METTL15: variants seen among roughly 807,000 people sequenced by gnomAD.
METTL15 encodes methyltransferase 15, mitochondrial 12S rRNA N4-cytidine.
A neutral mutation model predicts 38.3 loss-of-function variants in METTL15; 34 were observed. That is an observed-to-expected ratio of 0.89 (90% CI 0.68 to 1.18). The LOEUF (loss-of-function observed/expected upper bound fraction) is 1.18. METTL15 is among the 50% of genes most tolerant of loss of function. The pLI, the probability that METTL15 is intolerant of heterozygous loss-of-function variation, is 0.00. For synonymous variants in METTL15, 162 were observed against 170.9 expected (o/e 0.95, Z 0.41); for missense variants, 438 against 498.4 (o/e 0.88, Z 1.15).
intron 3 of METTL15, among the ~76,000 whole-genome samples, chr11:28,137,921 C>T (rs749309347): frequency 7.2e-5 from 11 of 151,978 alleles, no homozygotes; most frequent in Non-Finnish European, 1.0e-4. Flanking sequence ...GAAGAAGATC[C>T]AGTAATTGTA....
At chr11:28,464,482 C>A (rs1851240924) in intron 6 of METTL15, among the ~76,000 whole-genome samples, 1 of 152,152 alleles carries the variant, frequency 6.6e-6, no homozygotes. Flanking sequence ...AAATGTATGG[C>A]AGGCTGAATT....
At chr11:28,419,384 G>T (rs1282447131) in intron 5 of METTL15, among the ~76,000 whole-genome samples, 1 of 152,130 alleles carries the variant, frequency 6.6e-6, no homozygotes, top group Non-Finnish European at 1.5e-5. Flanking sequence ...TCCAGATTTT[G>T]TCCAAGACCA....
At chr11:28,507,060 C>T (rs942335124) in intron 6 of METTL15, among the ~76,000 whole-genome samples, 22 of 152,208 alleles carry the variant, frequency 1.4e-4, no homozygotes, top group Non-Finnish European at 2.8e-4. Context: ...GTCTTTTTAA[C>T]ACAGTGTTTC....
intron 6 of METTL15, among the ~76,000 whole-genome samples, chr11:28,305,478 A>G (rs1857052308): frequency 6.6e-6 from 1 of 152,146 alleles, no homozygotes; most frequent in South Asian, 2.1e-4. Flanking sequence ...TCCCCATGTT[A>G]TGGATGAGGT....
At chr11:28,344,113 C>T (rs2133356537) in intron 3 of METTL15, among the ~76,000 whole-genome samples, 1 of 152,270 alleles carries the variant, frequency 6.6e-6, no homozygotes, top group Non-Finnish European at 1.5e-5. Context: ...TTGTTTCACC[C>T]TTACTTTTTG....
chr11:28,251,063 G>C (rs924116237), intron 4 of METTL15, among the ~76,000 whole-genome samples: 3 of 151,896 alleles, frequency 2.0e-5, no homozygotes, highest in African/African-American at 7.3e-5. Context: ...AATATATCTT[G>C]TTTTTCTAAG....
intron 4 of METTL15, among the ~76,000 whole-genome samples, chr11:28,358,468 C>T (rs1045478361): frequency 2.0e-5 from 3 of 152,192 alleles, no homozygotes; most frequent in African/African-American, 7.2e-5. Context: ...AAAAATTAAA[C>T]AGAACAGAGA....
intron 4 of METTL15, among the ~76,000 whole-genome samples, chr11:28,212,632 C>T (rs1246277179): frequency 2.6e-5 from 4 of 152,104 alleles, no homozygotes; most frequent in Admixed American, 2.6e-4. Flanking sequence ...AGTTTCTTAC[C>T]TAATACAAAG....
intron 4 of METTL15, among the ~76,000 whole-genome samples, chr11:28,275,810 A>G (rs1163290282): frequency 6.6e-6 from 1 of 152,070 alleles, no homozygotes; most frequent in Admixed American, 6.6e-5. Context: ...ATCAATAAAC[A>G]TAATACATCA....
chr11:28,234,814 A>G (rs1426949541), intron 4 of METTL15, among the ~76,000 whole-genome samples: 22 of 144,312 alleles, frequency 1.5e-4, no homozygotes, highest in African/African-American at 5.5e-4. Context: ...GTTTAATTAG[A>G]TCCCATTTGT....
chr11:28,522,198 A>G (rs1851770459), intron 6 of METTL15, among the ~76,000 whole-genome samples: 1 of 152,236 alleles, frequency 6.6e-6, no homozygotes, highest in Non-Finnish European at 1.5e-5. Context: ...CTTAGAGTGA[A>G]GTCTAAAATT....
chr11:28,161,107 C>CTTTTTTTTTTTTTT (rs10660185), intron 3 of METTL15, among the ~76,000 whole-genome samples: 10 of 131,908 alleles, frequency 7.6e-5, no homozygotes, highest in East Asian at 2.2e-4. Context: ...TTGCACCTTC[C>CTTTTTTTTTTTTTT]TTTTTTTTTT....
intron 3 of METTL15, among the ~76,000 whole-genome samples, chr11:28,207,187 A>G (rs1852384098): frequency 6.6e-6 from 1 of 151,400 alleles, no homozygotes; most frequent in Non-Finnish European, 1.5e-5. Flanking sequence ...GTCTTGTGCC[A>G]GTTTTCAAAG....
intron 6 of METTL15, among the ~76,000 whole-genome samples, chr11:28,429,497 G>T (rs1320279985): frequency 2.2e-5 from 3 of 135,336 alleles, no homozygotes; most frequent in Non-Finnish European, 1.6e-5. Context: ...CCTGCTGAGT[G>T]CCTGCGATTG....
At chr11:28,323,536 A>C (rs1208254278) in intron 6 of METTL15, among the ~76,000 whole-genome samples, 1 of 152,186 alleles carries the variant, frequency 6.6e-6, no homozygotes, top group African/African-American at 2.4e-5. Context: ...CTATGAAGGT[A>C]GATCTTCTAA....
At chr11:28,193,809 A>T (rs908205419) in intron 3 of METTL15, among the ~76,000 whole-genome samples, 3 of 152,126 alleles carry the variant, frequency 2.0e-5, no homozygotes, top group African/African-American at 7.2e-5. Context: ...CATTCAAATT[A>T]TATCACTCCC....
rs147334307 is a variant in METTL15 at position 28,203,933 on chromosome 11, T to C, written c.271-7129T>C. On this transcript the variant is annotated intron_variant, in intron 3 of 6. Transcript: ENST00000407364. ...ATCAGTTGGCAATATTAGGAATACA[T>C]TGATGTTAAATGACTCTAAAAAGTT... 7.6e-4 allele frequency among the ~76,000 whole-genome samples: 115 copies of C among 152,164 alleles called. 3 individuals are homozygous for C. Among genetic ancestry groups the C allele is most frequent in the African/African-American group, 2.6e-3 (106 of 41,550 alleles).
At chr11:28,263,758 C>A (rs889460637) in intron 4 of METTL15, among the ~76,000 whole-genome samples, 23 of 151,920 alleles carry the variant, frequency 1.5e-4, no homozygotes, top group African/African-American at 5.3e-4. Context: ...TTAATATAGT[C>A]TTTTTATATA....
intron 6 of METTL15, among the ~76,000 whole-genome samples, chr11:28,456,441 G>GT (rs1554927610): frequency 8.6e-5 from 13 of 151,580 alleles, no homozygotes; most frequent in African/African-American, 1.5e-4. Flanking sequence ...TTGTTTGTTT[G>GT]TTTGTTTTGT....
Sources: allele counts gnomAD v4.1 joint callset (sites outside exome capture counted in the v4.1 genomes callset), GRCh38; gene constraint gnomAD v4.1.1; transcripts MANE v1.5; gene names NCBI Gene and HGNC (gene_info 2026-07-23, HGNC 2026-07-21).